FAM120A: variants seen among roughly 807,000 people sequenced by gnomAD.
FAM120A encodes the protein constitutive coactivator of PPAR-gamma-like protein 1.
Under a neutral mutation model 109.7 loss-of-function variants are expected in FAM120A, and 15 were observed. That is an observed-to-expected ratio of 0.14 (90% CI 0.09 to 0.21). The LOEUF is 0.21. Ranked by LOEUF, FAM120A falls within the 10% of genes least tolerant of loss-of-function variation. The pLI, the probability that FAM120A is intolerant of heterozygous loss-of-function variation, is 1.00. For missense variants in FAM120A, 899 were observed against 1,439.3 expected, an observed-to-expected ratio of 0.62 and a Z score of 6.07; for synonymous variants, 493 against 572.8, an observed-to-expected ratio of 0.86 and a Z score of 1.99.
rs778684741 is a variant in FAM120A at position 93,562,233 on chromosome 9, C to G, written c.2974C>G (p.Pro992Ala). ...GCGTCCAAGAGGAGTTATTTCCACC[C>G]CAGTGATTAGAACATTTGGAAGAGG... ...RGRPRGVIST[P>A]VIRTFGRGGR... Residue 992 changes from proline (P) to alanine (A), a missense_variant, in exon 17 of 18, where the codon CCA becomes GCA. Around this residue, in one of 11 missense-constraint regions of FAM120A, gnomAD observed 170 missense variants for 205.0 expected, o/e 0.83. Transcript: ENST00000277165. The G allele has an allele frequency of 2.5e-6, 4 of 1,614,058 alleles. No homozygotes were observed. Among genetic ancestry groups the G allele is most frequent in the East Asian group, 4.5e-5 (2 of 44,890 alleles).
At chr9:93,480,348 G>A (rs372850576) in intron 3 of FAM120A, among the ~76,000 whole-genome samples, 1 of 152,152 alleles carries the variant, frequency 6.6e-6, no homozygotes. Flanking sequence ...CCTATTCCTC[G>A]GGAGACCTGC....
intron 3 of FAM120A, among the ~76,000 whole-genome samples, chr9:93,485,441 A>T (rs1468137995): frequency 2.0e-5 from 3 of 151,956 alleles, no homozygotes; most frequent in Admixed American, 2.0e-4. Context: ...ATAAAAAAAT[A>T]AAAAAACTAG....
At chr9:93,519,071 G>A (rs923481062) in intron 7 of FAM120A, among the ~76,000 whole-genome samples, 1 of 152,098 alleles carries the variant, frequency 6.6e-6, no homozygotes, top group African/African-American at 2.4e-5. Context: ...ACCTTAGGCT[G>A]GAGAGACCCT....
At chr9:93,529,256 C>T in intron 8 of FAM120A, 97 bp from the exon 9 acceptor site, 1 of 1,102,770 alleles carries the variant, frequency 9.1e-7, no homozygotes. Context: ...TCTTTGTCCC[C>T]TCCGTGTCTG....
Position 93,457,647 on chromosome 9 carries a change from A to G in FAM120A, c.474+5258A>G, listed in dbSNP as rs575308079. Among the ~76,000 whole-genome samples the G allele has an allele frequency of 9.2e-5, 14 of 152,322 alleles. No homozygotes were observed. The South Asian group carries it at 2.9e-3, about 32-fold the overall frequency. ...ACCAGAACTTCAGACTTTGCAAGAA[A>G]GCCAGAAACCCAGATTTTTAAAAAA... On this transcript the variant is annotated intron_variant, in intron 1 of 17. Transcript: ENST00000277165.
At chr9:93,485,832 GA>G (rs777465319) in intron 3 of FAM120A, among the ~76,000 whole-genome samples, 1 of 152,020 alleles carries the variant, frequency 6.6e-6, no homozygotes, top group Non-Finnish European at 1.5e-5. Flanking sequence ...CCACTAATAT[GA>G]CTTCTGTCTC....
chr9:93,502,427 G>T (rs1316266117), intron 5 of FAM120A, among the ~76,000 whole-genome samples: 1 of 152,140 alleles, frequency 6.6e-6, no homozygotes, highest in Non-Finnish European at 1.5e-5. Context: ...CTAGGTACCA[G>T]TTGGCCTGGC....
At chr9:93,505,495 T>C (rs1207734876) in intron 5 of FAM120A, among the ~76,000 whole-genome samples, 1 of 152,262 alleles carries the variant, frequency 6.6e-6, no homozygotes, top group African/African-American at 2.4e-5. Flanking sequence ...TTTTTCTGTC[T>C]TCATGATGTG....
chr9:93,513,867 G>A (rs1427949157), intron 5 of FAM120A, among the ~76,000 whole-genome samples: 3 of 152,232 alleles, frequency 2.0e-5, no homozygotes, highest in Non-Finnish European at 4.4e-5. Flanking sequence ...TGCAGCCATG[G>A]ACATTTGCTT....
At chr9:93,486,112 A>G (rs1859037849) in intron 3 of FAM120A, among the ~76,000 whole-genome samples, 1 of 152,100 alleles carries the variant, frequency 6.6e-6, no homozygotes, top group South Asian at 2.1e-4. Context: ...AGCTAGGACT[A>G]TAGGCGTGTA....
At chr9:93,477,491 A>C (rs1044293537) in intron 3 of FAM120A, among the ~76,000 whole-genome samples, 1 of 152,150 alleles carries the variant, frequency 6.6e-6, no homozygotes, top group South Asian at 2.1e-4. Context: ...TCCCTCCTGT[A>C]TGTTTTCATG....
chr9:93,554,635 T>C (rs1040466585), intron 12 of FAM120A, among the ~76,000 whole-genome samples: 1 of 151,950 alleles, frequency 6.6e-6, no homozygotes, highest in Non-Finnish European at 1.5e-5. Flanking sequence ...ATTGCACCAT[T>C]GCACTCCAGC....
chr9:93,464,991 A>G (rs1685882993), intron 1 of FAM120A, among the ~76,000 whole-genome samples: 2 of 152,202 alleles, frequency 1.3e-5, no homozygotes, highest in Non-Finnish European at 2.9e-5. Flanking sequence ...CAGGCATTGG[A>G]AGGCCAGGGA....
rs1857371672 is a variant in FAM120A at position 93,453,290 on chromosome 9, T to C, written c.474+901T>C. On this transcript the variant is annotated intron_variant, in intron 1 of 17. Transcript: ENST00000277165. The stretch of plus-strand genomic sequence containing the variant: ...ATATCACCGGCCTCCTCTGGCCCTT[T>C]GGCAGAGGGCTTCGCAGCTGGCACT... The C allele has an allele frequency of 1.6e-5, 16 of 987,086 alleles. No individual in the cohort carries two copies. The African/African-American group carries it at 1.7e-4, about 11-fold the overall frequency. 61.1% of individuals were successfully genotyped at this position (987,086 alleles called of 1,614,324 possible). A position where few individuals can be genotyped will look rare whatever the true frequency, so the allele number is the denominator to read the frequency against.
intron 3 of FAM120A, among the ~76,000 whole-genome samples, chr9:93,477,079 C>G (rs1858579678): frequency 6.6e-6 from 1 of 152,174 alleles, no homozygotes; most frequent in African/African-American, 2.4e-5. Flanking sequence ...GGGACCTAGA[C>G]TTTGTATCTG....
chr9:93,474,086 A>AAAAC (rs10626625), intron 2 of FAM120A, among the ~76,000 whole-genome samples: 82,683 of 151,762 alleles, frequency 0.54, 23,147 homozygotes, highest in African/African-American at 0.66. Flanking sequence ...AAATAAATGA[A>AAAAC]AAAATCAATT....
At chr9:93,510,322 T>C (rs1369177818) in intron 5 of FAM120A, among the ~76,000 whole-genome samples, 2 of 152,364 alleles carry the variant, frequency 1.3e-5, no homozygotes, top group Middle Eastern at 3.4e-3. Context: ...AAAAATCGAA[T>C]GTTTTGGAAG....
chr9:93,492,422 T>G (rs1307734948), intron 3 of FAM120A, among the ~76,000 whole-genome samples: 1 of 152,190 alleles, frequency 6.6e-6, no homozygotes, highest in Non-Finnish European at 1.5e-5. Context: ...CCCTGTGGTG[T>G]TGCATTTCTG....
chr9:93,453,979 A>G (rs1857426638), intron 1 of FAM120A, among the ~76,000 whole-genome samples: 1 of 152,194 alleles, frequency 6.6e-6, no homozygotes, highest in Admixed American at 6.5e-5. Context: ...ATTACTTAGG[A>G]TTAGAATCAG....
Sources: gnomAD v4.1 joint callset for allele counts (sites outside exome capture counted in the v4.1 genomes callset) on GRCh38, gnomAD v4.1.1 for gene constraint, gnomAD v4.1.1 regional missense constraint, MANE v1.5 for transcripts, NCBI Gene and HGNC (gene_info 2026-07-23, HGNC 2026-07-21) for gene names.